The following THEM4 variants were observed in gnomAD, a reference collection of about 807,000 sequenced individuals.
The protein encoded by THEM4 is acyl-coenzyme A thioesterase THEM4.
THEM4 carries 22 observed loss-of-function variants against 25.0 expected under a neutral mutation model. That is an observed-to-expected ratio of 0.88 (90% CI 0.63 to 1.26). The LOEUF (loss-of-function observed/expected upper bound fraction) is 1.26. THEM4 is among the 50% of genes most tolerant of loss of function. The pLI is 0.00. For synonymous variants in THEM4, 113 were observed against 105.6 expected (o/e 1.07, Z -0.43); for missense variants, 286 against 300.3 (o/e 0.95, Z 0.35).
chr1:151,895,803 GA>G (rs1270552815), intron 1 of THEM4, among the ~76,000 whole-genome samples: 1 of 152,054 alleles, frequency 6.6e-6, no homozygotes, highest in African/African-American at 2.4e-5. Flanking sequence ...TCATGGGGGT[GA>G]ATTTCTCATG....
chr1:151,906,661 C>G (rs944132861), intron 1 of THEM4, among the ~76,000 whole-genome samples: 2 of 152,204 alleles, frequency 1.3e-5, no homozygotes, highest in African/African-American at 4.8e-5. Flanking sequence ...ATACACCAAT[C>G]GGCACTCTGT....
rs532959245 is a variant in THEM4, at chr1:151,874,959, T to C, written c.683-31A>G. On this transcript the variant is annotated intron_variant, in intron 5 of 5. Coordinates refer to ENST00000368814, the MANE Select transcript of THEM4 (RefSeq NM_053055.5). ...CAAACAAAATAACAGCAGATGATTATATGTCAACTGACTTCAATTTGATGG... is the reference window on the plus strand; with the variant it reads ...CAAACAAAATAACAGCAGATGATTACATGTCAACTGACTTCAATTTGATGG... 4.5e-6 allele frequency: 7 copies of C among 1,565,514 alleles called. No homozygotes were observed. The Admixed American group carries it at 6.7e-5, about 15-fold the overall frequency.
chr1:151,903,330 C>CA (rs1475763107), intron 1 of THEM4, among the ~76,000 whole-genome samples: 3 of 152,188 alleles, frequency 2.0e-5, no homozygotes, highest in East Asian at 3.9e-4. Context: ...CAAAAACAAA[C>CA]AAAATTTTAA....
At chr1:151,878,793 C>A (rs1204987752) in intron 4 of THEM4, among the ~76,000 whole-genome samples, 1 of 151,944 alleles carries the variant, frequency 6.6e-6, no homozygotes, top group African/African-American at 2.4e-5. Flanking sequence ...AGCTAGAACA[C>A]TTAATTAGAT....
chr1:151,878,889 TATACACACACAC>T (rs1268130925), intron 4 of THEM4, among the ~76,000 whole-genome samples: 12 of 127,692 alleles, frequency 9.4e-5, no homozygotes, highest in East Asian at 2.5e-4. Context: ...TGTATATGTC[TATACACACACAC>T]ACACACACAC....
At chr1:151,893,470 G>A (rs949618969) in intron 2 of THEM4, among the ~76,000 whole-genome samples, 1 of 151,524 alleles carries the variant, frequency 6.6e-6, no homozygotes, top group African/African-American at 2.4e-5. Context: ...ATGCAGTTGT[G>A]GCATGTTTAT....
chr1:151,902,638 T>A (rs1401724519), intron 1 of THEM4, among the ~76,000 whole-genome samples: 2 of 152,096 alleles, frequency 1.3e-5, no homozygotes, highest in African/African-American at 4.8e-5. Context: ...TGTACCTGAA[T>A]AACTTATGGA....
chr1:151,905,482 G>A (rs928088206), intron 1 of THEM4, among the ~76,000 whole-genome samples: 28 of 151,952 alleles, frequency 1.8e-4, no homozygotes, highest in African/African-American at 6.8e-4. Flanking sequence ...GAGGAAGTGA[G>A]GCAGGAAATT....
chr1:151,895,953 T>C (rs1213622189), intron 1 of THEM4, among the ~76,000 whole-genome samples: 2 of 152,060 alleles, frequency 1.3e-5, no homozygotes, highest in East Asian at 1.9e-4. Context: ...TGCTCCTGCT[T>C]TGCCTTCTGC....
chr1:151,881,734 C>T (rs1031195758), intron 4 of THEM4, among the ~76,000 whole-genome samples: 36 of 152,304 alleles, frequency 2.4e-4, no homozygotes, highest in Non-Finnish European at 3.8e-4. Context: ...TCTATCTTAG[C>T]TCTGCTTTTA....
chr1:151,892,388 C>T (rs1654113552), intron 2 of THEM4, among the ~76,000 whole-genome samples: 1 of 152,172 alleles, frequency 6.6e-6, no homozygotes, highest in Admixed American at 6.5e-5. Flanking sequence ...GCACTTCCGT[C>T]ACTAGTGGCT....
chr1:151,901,594 G>C (rs901758821), intron 1 of THEM4, among the ~76,000 whole-genome samples: 2 of 152,214 alleles, frequency 1.3e-5, no homozygotes, highest in Admixed American at 6.5e-5. Flanking sequence ...TGTAATCCCA[G>C]CACTTTGGGA....
chr1:151,895,153 A>G lies in THEM4; in HGVS notation c.141T>C (p.Ser47=). 6.2e-7 allele frequency: 1 copy of G among 1,613,948 alleles called. No homozygotes were observed. The highest frequency in any genetic ancestry group is 8.5e-7 in the Non-Finnish European group (1 of 1,179,964). ...CCTTGTTCCAGCTGGGGTTGGGGAC[A>G]GAACAGTCCTTAAGAATGACTTCCT... The part of the protein sequence containing the change: ...SSEEVILKDC[S]VPNPSWNKDL... Residue 47 remains serine, a synonymous_variant, in exon 2 of 6, where the codon TCT becomes TCC. Transcript: ENST00000368814.
intron 2 of THEM4, among the ~76,000 whole-genome samples, chr1:151,893,381 AACAAAAAAAAC>A (rs1350992045): frequency 7.1e-6 from 1 of 141,378 alleles, no homozygotes; most frequent in African/African-American, 2.7e-5. Context: ...CAAAACCAAA[AACAAAAAAAAC>A]AAAAAAACAA....
chr1:151,874,774 T>A lies in THEM4; in HGVS notation c.*114A>T. The A allele has an allele frequency of 1.1e-6, 1 of 939,336 alleles. No homozygotes were observed. Among genetic ancestry groups the A allele is most frequent in the South Asian group, 1.4e-5 (1 of 72,344 alleles). The allele number at this position is 939,336 out of a possible 1,614,324, so 58.2% of individuals were successfully genotyped here. On this transcript the variant is annotated 3_prime_UTR_variant, in exon 6 of 6. Coordinates refer to ENST00000368814, the MANE Select transcript of THEM4 (RefSeq NM_053055.5). Reference sequence around the variant, plus strand: ...GTATTCAGAAGGCTGTTTCGGAAGGTCACTGTTGGCAGGCTTCTCCCTACA... The same window carrying A: ...GTATTCAGAAGGCTGTTTCGGAAGGACACTGTTGGCAGGCTTCTCCCTACA...
intron 5 of THEM4, 122 bp downstream of exon 5, chr1:151,876,879 C>A: frequency 8.0e-7 from 1 of 1,250,596 alleles, no homozygotes; most frequent in Non-Finnish European, 1.1e-6. Context: ...GGCAAAAAAC[C>A]AAACCAAACC....
intron 2 of THEM4, among the ~76,000 whole-genome samples, chr1:151,892,070 C>A (rs1654106467): frequency 6.6e-6 from 1 of 152,124 alleles, no homozygotes; most frequent in African/African-American, 2.4e-5. Flanking sequence ...CCACTGTGCC[C>A]AGCCCAGAGG....
Position 151,900,182 on chromosome 1 carries a change from A to G in THEM4, c.100-4988T>C, listed in dbSNP as rs185632548. ...CTCTAAATCTTGAAACAAATCCCAG[A>G]AACCCATCAAAACAGAACCTCTTTA... On this transcript the variant is annotated intron_variant, in intron 1 of 5. Coordinates refer to ENST00000368814, the MANE Select transcript of THEM4 (RefSeq NM_053055.5). Among the ~76,000 whole-genome samples the G allele has an allele frequency of 2.7e-3, 417 of 152,300 alleles. 2 individuals carry two copies. Among genetic ancestry groups the G allele is most frequent in the African/African-American group, 9.8e-3 (407 of 41,562 alleles).
chr1:151,880,091 ATCC>A (rs1429782500), intron 4 of THEM4, among the ~76,000 whole-genome samples: 1 of 151,774 alleles, frequency 6.6e-6, no homozygotes, highest in Non-Finnish European at 1.5e-5. Context: ...GACTAAAGCA[ATCC>A]TCCTGCCTCA....
Sources: gnomAD v4.1 joint callset for allele counts (sites outside exome capture counted in the v4.1 genomes callset) on GRCh38, gnomAD v4.1.1 for gene constraint, MANE v1.5 for transcripts, NCBI Gene and HGNC (gene_info 2026-07-23, HGNC 2026-07-21) for gene names.